The following CDKL4 variants were observed in gnomAD, a reference collection of about 807,000 sequenced individuals.
The protein encoded by CDKL4 is cyclin dependent kinase like 4.
In CDKL4, 44 loss-of-function variants were observed where a neutral mutation model predicts 42.0. The ratio of observed to expected loss-of-function variants is 1.05; its 90% CI spans 0.82 to 1.35. CDKL4 has a LOEUF of 1.35. Ranked by LOEUF, CDKL4 falls within the 40% of genes most tolerant of loss-of-function variation. CDKL4 has a pLI of 0.00. For synonymous variants in CDKL4, 120 were observed against 121.6 expected (o/e 0.99, Z 0.09); for missense variants, 393 against 369.9 (o/e 1.06, Z -0.51).
intron 6 of CDKL4, among the ~76,000 whole-genome samples, chr2:39,188,799 T>C (rs1162522660): frequency 6.6e-6 from 1 of 152,010 alleles, no homozygotes; most frequent in African/African-American, 2.4e-5. Context: ...AAGCAATCCT[T>C]CCACCTTAGC....
chr2:39,221,904 C>G (rs1436210960), intron 3 of CDKL4, among the ~76,000 whole-genome samples: 1 of 152,198 alleles, frequency 6.6e-6, no homozygotes, highest in Admixed American at 6.5e-5. Context: ...TTGTGCATCC[C>G]TTGCATCAAC....
intron 3 of CDKL4, among the ~76,000 whole-genome samples, chr2:39,215,716 G>A (rs2148358681): frequency 6.6e-6 from 1 of 152,336 alleles, no homozygotes; most frequent in Admixed American, 6.5e-5. Context: ...AGCTACAAGA[G>A]TCTGAAGTAT....
chr2:39,170,017 C>A, the CDKL4 span, among the ~76,000 whole-genome samples: 1 of 152,100 alleles, frequency 6.6e-6, no homozygotes, highest in Non-Finnish European at 1.5e-5. Flanking sequence ...CACGCCACCA[C>A]TCCTGGCTAA....
intron 1 of CDKL4, among the ~76,000 whole-genome samples, chr2:39,241,812 T>C (rs1274323475): frequency 6.6e-6 from 1 of 152,190 alleles, no homozygotes; most frequent in Non-Finnish European, 1.5e-5. Flanking sequence ...TTGCCTTCTA[T>C]TGTTAGCCTA....
chr2:39,225,349 G>C (rs1219163862), intron 3 of CDKL4, among the ~76,000 whole-genome samples: 1 of 151,518 alleles, frequency 6.6e-6, no homozygotes, highest in Non-Finnish European at 1.5e-5. Flanking sequence ...AGGTTGCAGT[G>C]AGCTGAGATC....
At chr2:39,220,792 G>A (rs1678262722) in intron 3 of CDKL4, among the ~76,000 whole-genome samples, 1 of 149,522 alleles carries the variant, frequency 6.7e-6, no homozygotes, top group South Asian at 2.2e-4. Flanking sequence ...CCACCATGTT[G>A]GCCAGGATGG....
chr2:39,209,773 T>C (rs770249312), intron 4 of CDKL4, among the ~76,000 whole-genome samples: 1 of 152,164 alleles, frequency 6.6e-6, no homozygotes, highest in Non-Finnish European at 1.5e-5. Flanking sequence ...CTAGGTCAGA[T>C]TGCCTTTTCT....
intron 5 of CDKL4, among the ~76,000 whole-genome samples, chr2:39,195,328 A>C (rs1676441860): frequency 6.6e-6 from 1 of 152,160 alleles, no homozygotes; most frequent in South Asian, 2.1e-4. Context: ...CTAGAAGTGG[A>C]ATTGCTGCAT....
intron 5 of CDKL4, among the ~76,000 whole-genome samples, chr2:39,198,383 A>G (rs1486254596): frequency 6.6e-6 from 1 of 152,164 alleles, no homozygotes; most frequent in Admixed American, 6.5e-5. Flanking sequence ...ATAGTAACAC[A>G]ATAATAGTGG....
chr2:39,174,241 C>T (rs534732611), downstream of CDKL4, among the ~76,000 whole-genome samples: 3 of 151,814 alleles, frequency 2.0e-5, no homozygotes, highest in African/African-American at 7.2e-5. Context: ...CGTATCTCTA[C>T]AAAAAAAGTT....
intron 3 of CDKL4, among the ~76,000 whole-genome samples, chr2:39,218,001 G>C (rs982091555): frequency 2.6e-5 from 4 of 151,812 alleles, no homozygotes; most frequent in Non-Finnish European, 5.9e-5. Flanking sequence ...CCAAAGTGTT[G>C]GGATTACAGG....
At chr2:39,189,419 A>G (rs918505193) in intron 6 of CDKL4, among the ~76,000 whole-genome samples, 1 of 152,242 alleles carries the variant, frequency 6.6e-6, no homozygotes, top group African/African-American at 2.4e-5. Flanking sequence ...CATAGGCACA[A>G]TTAAAAACAT....
chr2:39,233,451 A>G (rs1679184721), intron 1 of CDKL4, among the ~76,000 whole-genome samples: 1 of 152,212 alleles, frequency 6.6e-6, no homozygotes, highest in African/African-American at 2.4e-5. Flanking sequence ...CGAGAAGGAT[A>G]CATTTGGCAT....
At chr2:39,224,778 C>G (rs958075695) in intron 3 of CDKL4, among the ~76,000 whole-genome samples, 2 of 152,080 alleles carry the variant, frequency 1.3e-5, no homozygotes, top group African/African-American at 4.8e-5. Flanking sequence ...GCATGAGACA[C>G]TGCACCCAGC....
chr2:39,172,057 T>C (rs1347567913), downstream of CDKL4, among the ~76,000 whole-genome samples: 1 of 152,158 alleles, frequency 6.6e-6, no homozygotes, highest in Non-Finnish European at 1.5e-5. Flanking sequence ...ATGATTGTAA[T>C]GCCAGCACTT....
intron 5 of CDKL4, among the ~76,000 whole-genome samples, chr2:39,196,799 G>T (rs1042050224): frequency 2.6e-5 from 4 of 152,162 alleles, no homozygotes; most frequent in African/African-American, 9.7e-5. Flanking sequence ...GTACAGACAA[G>T]GTTTAGCCAT....
intron 1 of CDKL4, among the ~76,000 whole-genome samples, chr2:39,241,821 T>C (rs145078116): frequency 1.1e-3 from 175 of 152,306 alleles, no homozygotes; most frequent in South Asian, 3.3e-3. Flanking sequence ...ATTGTTAGCC[T>C]ATTGTCTGGC....
At position 39,221,041 on chromosome 2, in the gene CDKL4, C is replaced by G. The variant is rs1573007491; in HGVS notation, c.290+4798G>C. ...TTGTTTTTGTTTTTTGAGACAGAGT[C>G]TCGCTCTTGTCGCCCAGGCTGGAGT... is the stretch of plus-strand genomic sequence containing the variant. On this transcript the variant is annotated intron_variant, in intron 3 of 9. Coordinates refer to ENST00000451199, the Ensembl canonical transcript of CDKL4. 3.9e-5 allele frequency among the ~76,000 whole-genome samples: 4 copies of G among 103,708 alleles called. No homozygotes were observed. In the Admixed American group the frequency reaches 5.6e-4, roughly 15 times the overall value. 68.0% of individuals were successfully genotyped at this position (103,708 alleles called of 152,430 possible). A position where few individuals can be genotyped will look rare whatever the true frequency, so the allele number is the denominator to read the frequency against.
intron 2 of CDKL4, 65 bp from the exon 3 acceptor site, chr2:39,226,025 C>G: frequency 2.1e-6 from 3 of 1,402,396 alleles, no homozygotes; most frequent in Non-Finnish European, 2.8e-6. Flanking sequence ...ACCCAGACCC[C>G]TTAAAGAAAC....
Sources: gnomAD v4.1 joint callset for allele counts (sites outside exome capture counted in the v4.1 genomes callset) on GRCh38, gnomAD v4.1.1 for gene constraint, MANE v1.5 for transcripts, NCBI Gene and HGNC (gene_info 2026-07-23, HGNC 2026-07-21) for gene names.